Variants in CYP27C1 observed in about 807,000 individuals in gnomAD.
The protein encoded by CYP27C1 is cytochrome P450 27C1.
In CYP27C1, 29 loss-of-function variants were observed where a neutral mutation model predicts 40.6. The observed-to-expected ratio is 0.71, with a 90% confidence interval of 0.53 to 0.97. The LOEUF is 0.97. CYP27C1 is among the 50% of genes least tolerant of loss of function. The pLI, the probability that CYP27C1 is intolerant of heterozygous loss-of-function variation, is 0.00. For synonymous variants in CYP27C1, 198 were observed against 186.8 expected, an observed-to-expected ratio of 1.06 and a Z score of -0.49; for missense variants, 390 against 485.8, an observed-to-expected ratio of 0.80 and a Z score of 1.85.
intron 8 of CYP27C1, among the ~76,000 whole-genome samples, chr2:127,187,718 A>G (rs1682663114): frequency 6.6e-6 from 1 of 152,226 alleles, no homozygotes; most frequent in Non-Finnish European, 1.5e-5. Context: ...TTGCAGGTCT[A>G]GATGAAGAAG....
Position 127,205,886 on chromosome 2 carries a change from GCCCACATA to G in CYP27C1, c.473+6_473+13del. 1 of 378,000 alleles carries G rather than the reference GCCCACATA, an allele frequency of 2.6e-6. No homozygotes were observed. Among genetic ancestry groups the G allele is most frequent in the Non-Finnish European group, 3.6e-6 (1 of 274,414 alleles). The allele number at this position is 378,000 out of a possible 1,614,324, so 23.4% of individuals were successfully genotyped here. On this transcript the variant is annotated splice_donor_region_variant and intron_variant, in intron 2 of 8. Coordinates refer to ENST00000664447, the MANE Select transcript of CYP27C1 (RefSeq NM_001367502.1). ...CCCTCCAGCCCGTGGCTCAGCCCGGGCCCACATACTCACGCCGAGATGAGCCCGGTGGC... is the reference window on the plus strand; with the variant it reads ...CCCTCCAGCCCGTGGCTCAGCCCGGGCTCACGCCGAGATGAGCCCGGTGGC...
Position 127,218,625 on chromosome 2 carries a change from C to T in CYP27C1, c.282+1364G>A, listed in dbSNP as rs113764323. ...CATTAATGAGGGTTGGGGCTTCTCCCTCACGTTCATTGACTGAATGGCTGA... is the reference window on the plus strand; with the variant it reads ...CATTAATGAGGGTTGGGGCTTCTCCTTCACGTTCATTGACTGAATGGCTGA... On this transcript the variant is annotated intron_variant, in intron 1 of 8. Coordinates refer to ENST00000664447, the MANE Select transcript of CYP27C1 (RefSeq NM_001367502.1). The surrounding 1 kb of genome is among the most constrained non-coding windows in gnomAD (Gnocchi z 6.0). 1.8e-3 allele frequency among the ~76,000 whole-genome samples: 273 copies of T among 152,310 alleles called. 1 individual carries two copies. Among genetic ancestry groups the T allele is most frequent in the African/African-American group, 6.0e-3 (248 of 41,562 alleles).
intron 1 of CYP27C1, among the ~76,000 whole-genome samples, chr2:127,214,678 T>G (rs112662079): frequency 0.071 from 10,645 of 150,242 alleles, 1,283 homozygotes; most frequent in African/African-American, 0.24. Flanking sequence ...GGGGTGGGGG[T>G]TGAGGGGAGG....
intron 2 of CYP27C1, among the ~76,000 whole-genome samples, chr2:127,204,516 G>A (rs186935649): frequency 0.36 from 19,828 of 54,874 alleles, 5,406 homozygotes; most frequent in East Asian, 0.68. Flanking sequence ...AAAGAAAGAA[G>A]GAAAGAAAGA....
intron 1 of CYP27C1, among the ~76,000 whole-genome samples, chr2:127,211,364 T>TTTTTG: frequency 1.0e-5 from 1 of 96,550 alleles, no homozygotes; most frequent in East Asian, 4.4e-4. Context: ...AAGCAGTGTT[T>TTTTTG]TTTTGTTTTT....
intron 8 of CYP27C1, among the ~76,000 whole-genome samples, chr2:127,189,389 TG>T: frequency 6.6e-6 from 1 of 152,080 alleles, no homozygotes; most frequent in South Asian, 2.1e-4. Flanking sequence ...GCCCCACTGT[TG>T]GGAGTTGAAC....
rs1264983202 is a variant in CYP27C1 at position 127,219,284 on chromosome 2, A to G, written c.282+705T>C. On this transcript the variant is annotated intron_variant, in intron 1 of 8. Transcript: ENST00000664447. This position sits in a 1 kb window ranked among gnomAD's most constrained non-coding sequence, Gnocchi z 8.7. ...CAGCCCCAACTCCGCGGGTCCCGCC[A>G]GCTCTCCACTCCCAGGCCCCGGCGG... Among the ~76,000 whole-genome samples the G allele has an allele frequency of 6.6e-6, 1 of 151,630 alleles. No individual in the cohort carries two copies. Among genetic ancestry groups the G allele is most frequent in the Admixed American group, 6.6e-5 (1 of 15,254 alleles).
chr2:127,211,089 T>G lies in CYP27C1; in HGVS notation c.283-4999A>C, dbSNP rs1041647488. ...TTCTTCTCAGTGTACATGGCACTTA[T>G]TTGTCAATTAAAATTGACCACATAT... On this transcript the variant is annotated intron_variant, in intron 1 of 8. Transcript: ENST00000664447. Among the ~76,000 whole-genome samples the G allele has an allele frequency of 2.4e-4, 36 of 152,162 alleles. 1 individual carries two copies. Among genetic ancestry groups the G allele is most frequent in the African/African-American group, 8.7e-4 (36 of 41,426 alleles).
intron 1 of CYP27C1, among the ~76,000 whole-genome samples, chr2:127,216,674 A>T (rs1167013282): frequency 6.6e-6 from 1 of 152,236 alleles, no homozygotes; most frequent in Non-Finnish European, 1.5e-5. Flanking sequence ...TATGTTAATT[A>T]TATCTTAAGA....
intron 8 of CYP27C1, among the ~76,000 whole-genome samples, chr2:127,191,175 A>C (rs1230917684): frequency 6.6e-6 from 1 of 152,064 alleles, no homozygotes; most frequent in East Asian, 1.9e-4. Context: ...TGACCCCAGG[A>C]GGCGGAGGTT....
rs185768894 is a variant in CYP27C1 at position 127,196,124 on chromosome 2, G to A, written c.1048-623C>T. Among the ~76,000 whole-genome samples, 293 of 151,680 alleles carry A rather than the reference G, an allele frequency of 1.9e-3. 6 individuals carry two copies. The highest frequency in any genetic ancestry group is 7.7e-3 in the East Asian group (40 of 5,162). ...GTCGCCCAGGCTGGAATGCAGTGAC[G>A]CGATCTCGGCTCACTGCAAGCTCTG... On this transcript the variant is annotated intron_variant, in intron 5 of 8. Coordinates refer to ENST00000664447, the MANE Select transcript of CYP27C1 (RefSeq NM_001367502.1). The surrounding 1 kb of genome is among the most constrained non-coding windows in gnomAD (Gnocchi z 4.5).
At chr2:127,192,619 CGG>C (rs56919710) in intron 8 of CYP27C1, among the ~76,000 whole-genome samples, 23 of 149,758 alleles carry the variant, frequency 1.5e-4, no homozygotes, top group African/African-American at 3.5e-4. Flanking sequence ...GTGCCTTTCC[CGG>C]GGGGGGGGGC....
chr2:127,192,619 C>T (rs1249566760), intron 8 of CYP27C1, among the ~76,000 whole-genome samples: 2 of 149,650 alleles, frequency 1.3e-5, no homozygotes, highest in Admixed American at 6.6e-5. Context: ...GTGCCTTTCC[C>T]GGGGGGGGGG....
rs1459820574 is a variant in CYP27C1, at chr2:127,184,401, T to A, written c.*2870A>T. On this transcript the variant is annotated 3_prime_UTR_variant, in exon 9 of 9. Coordinates refer to ENST00000664447, the MANE Select transcript of CYP27C1 (RefSeq NM_001367502.1). ...AACAGTTCTCCTCTCCCCTTGGTTT[T>A]TTTTTTGCTTTTTGGTTTTTGTTTT... 6.6e-6 allele frequency: 1 copy of A among 152,136 alleles called. No individual in the cohort carries two copies. Among genetic ancestry groups the A allele is most frequent in the African/African-American group, 2.4e-5 (1 of 41,410 alleles). 9.4% of individuals were successfully genotyped at this position (152,136 alleles called of 1,614,324 possible).
chr2:127,202,261 A>T (rs796582953), intron 3 of CYP27C1, among the ~76,000 whole-genome samples: 89 of 152,038 alleles, frequency 5.9e-4, no homozygotes, highest in African/African-American at 2.1e-3. Flanking sequence ...AGTCTCTGGG[A>T]TTACAGGTGC....
chr2:127,204,551 G>GAGAGAGAGAAAGAAAGAA (rs1558931344), intron 2 of CYP27C1, among the ~76,000 whole-genome samples: 1 of 51,244 alleles, frequency 2.0e-5, no homozygotes, highest in African/African-American at 6.8e-5. Context: ...GAGAGAGAGA[G>GAGAGAGAGAAAGAAAGAA]AGAGAGAAAG....
At position 127,203,567 on chromosome 2, in the gene CYP27C1, C is replaced by G. The variant is rs768629827; in HGVS notation, c.478G>C (p.Gly160Arg). Residue 160 changes from glycine (G) to arginine (R), a missense_variant, in exon 3 of 9, where the codon GGT becomes CGT. Transcript: ENST00000664447. ...GRATGLISAE[G>R]EQWLKMRSVL... ...CTTCTCATCTTGAGCCACTGTTCAC[C>G]CTCCCTAGAAGAATCAAGTGAGTTT... 6.2e-7 allele frequency: 1 copy of G among 1,612,952 alleles called. No individual in the cohort carries two copies. Among genetic ancestry groups the G allele is most frequent in the Admixed American group, 1.7e-5 (1 of 59,788 alleles).
rs915337857 is a variant in CYP27C1 at position 127,208,835 on chromosome 2, G to A, written c.283-2745C>T. 1.5e-4 allele frequency among the ~76,000 whole-genome samples: 23 copies of A among 152,110 alleles called. No homozygotes were observed. The highest frequency in any genetic ancestry group is 3.2e-4 in the Non-Finnish European group (22 of 67,994). On this transcript the variant is annotated intron_variant, in intron 1 of 8. Coordinates refer to ENST00000664447, the MANE Select transcript of CYP27C1 (RefSeq NM_001367502.1). This position sits in a 1 kb window ranked among gnomAD's most constrained non-coding sequence, Gnocchi z 5.2. ...CTCCAACAATTCCAGTCAGAGGCTC[G>A]GGGACAGAACTCTGATCTCCCTGGG...
At chr2:127,217,204 G>C (rs1453187773) in intron 1 of CYP27C1, among the ~76,000 whole-genome samples, 1 of 152,174 alleles carries the variant, frequency 6.6e-6, no homozygotes, top group East Asian at 1.9e-4. Context: ...TATACAGTCA[G>C]GCACAGTACT....
Sources: gnomAD v4.1 joint callset for allele counts (sites outside exome capture counted in the v4.1 genomes callset) on GRCh38, gnomAD v4.1.1 for gene constraint, Gnocchi (gnomAD v3.1) non-coding constraint, MANE v1.5 for transcripts, NCBI Gene and HGNC (gene_info 2026-07-23, HGNC 2026-07-21) for gene names.